Variants in SELENOF observed in about 807,000 individuals in gnomAD.
SELENOF encodes selenoprotein F.
A neutral mutation model predicts 20.5 loss-of-function variants in SELENOF; 16 were observed. The observed-to-expected ratio is 0.78, with a 90% confidence interval of 0.53 to 1.19. The LOEUF is 1.19. SELENOF is among the 50% of genes most tolerant of loss of function. The pLI is 0.00. For synonymous variants in SELENOF, 78 were observed against 74.5 expected (o/e 1.05, Z -0.24); for missense variants, 215 against 194.2 (o/e 1.11, Z -0.64).
At chr1:86,890,157 A>C (rs1348378964) in intron 2 of SELENOF, among the ~76,000 whole-genome samples, 2 of 152,072 alleles carry the variant, frequency 1.3e-5, no homozygotes, top group East Asian at 1.9e-4. Context: ...CAGCTATCTG[A>C]TTTATCTTAG....
intron 2 of SELENOF, among the ~76,000 whole-genome samples, chr1:86,900,563 C>G (rs1470625967): frequency 6.6e-6 from 1 of 151,762 alleles, no homozygotes; most frequent in Non-Finnish European, 1.5e-5. Flanking sequence ...GGCTCGGCAT[C>G]AGAGGGAGAC....
intron 2 of SELENOF, among the ~76,000 whole-genome samples, chr1:86,882,383 G>A (rs1241455168): frequency 2.0e-5 from 3 of 151,116 alleles, no homozygotes; most frequent in African/African-American, 7.3e-5. Context: ...AAAATATAAG[G>A]CCATATTACC....
chr1:86,892,188 G>A (rs748326736), intron 2 of SELENOF, among the ~76,000 whole-genome samples: 4 of 151,832 alleles, frequency 2.6e-5, no homozygotes, highest in Admixed American at 6.6e-5. Context: ...CCCCCGGCAC[G>A]TTGCCTCCCA....
At chr1:86,897,158 T>G (rs1003952420) in intron 2 of SELENOF, among the ~76,000 whole-genome samples, 1 of 151,856 alleles carries the variant, frequency 6.6e-6, no homozygotes, top group Admixed American at 6.6e-5. Flanking sequence ...ATACAAAAAA[T>G]TAGCTGGGCG....
intron 3 of SELENOF, among the ~76,000 whole-genome samples, chr1:86,878,668 A>T (rs548011962): frequency 1.7e-4 from 26 of 152,314 alleles, no homozygotes; most frequent in Non-Finnish European, 3.4e-4. Flanking sequence ...GGCGACAGTG[A>T]GACTCTGTCT....
In SELENOF at chr1:86,899,648, C is replaced by T. The variant is rs529545437; in HGVS notation, c.252+3633G>A. 8.3e-4 allele frequency among the ~76,000 whole-genome samples: 126 copies of T among 151,164 alleles called. 1 individual carries two copies. Among genetic ancestry groups the T allele is most frequent in the African/African-American group, 2.9e-3 (119 of 41,228 alleles). On this transcript the variant is annotated intron_variant, in intron 2 of 4. Coordinates refer to ENST00000331835, the MANE Select transcript of SELENOF (RefSeq NM_004261.5). ...GCTGGCCTGGCGGGGGGCTGACCCC[C>T]CCATCTCCCTCCCGGATGGGGCGGC...
chr1:86,904,201 G>A (rs1659773449), intron 1 of SELENOF, among the ~76,000 whole-genome samples: 1 of 152,112 alleles, frequency 6.6e-6, no homozygotes, highest in South Asian at 2.1e-4. Context: ...GACGGGAAAG[G>A]GGATGGTGCA....
chr1:86,863,363 C>T lies in SELENOF; in HGVS notation c.*111G>A. On this transcript the variant is annotated 3_prime_UTR_variant, in exon 5 of 5. Transcript: ENST00000331835. ...CACGATTTAATTAGATATTTAATGC[C>T]TCAAGTAAAAGACTGATCAATGGAA... 1.2e-6 allele frequency: 1 copy of T among 868,860 alleles called. No homozygotes were observed. The highest frequency in any genetic ancestry group is 1.7e-5 in the African/African-American group (1 of 57,922). 53.8% of individuals were successfully genotyped at this position (868,860 alleles called of 1,614,324 possible).
intron 2 of SELENOF, among the ~76,000 whole-genome samples, chr1:86,894,832 A>C (rs1231068319): frequency 2.0e-5 from 3 of 152,032 alleles, no homozygotes; most frequent in African/African-American, 7.3e-5. Flanking sequence ...GGGAAACCCT[A>C]TCTCTAAAAC....
At chr1:86,867,182 G>C (rs907417937) in intron 4 of SELENOF, among the ~76,000 whole-genome samples, 1 of 151,968 alleles carries the variant, frequency 6.6e-6, no homozygotes, top group Non-Finnish European at 1.5e-5. Flanking sequence ...CAAAATTATA[G>C]AGATAATAAA....
intron 1 of SELENOF, among the ~76,000 whole-genome samples, chr1:86,909,362 C>CAAAAA (rs1557473537): frequency 6.6e-6 from 1 of 152,100 alleles, no homozygotes; most frequent in East Asian, 1.9e-4. Flanking sequence ...TATAACAGTT[C>CAAAAA]AATAAGGGTG....
At chr1:86,898,948 T>C (rs1659598971) in intron 2 of SELENOF, among the ~76,000 whole-genome samples, 1 of 151,838 alleles carries the variant, frequency 6.6e-6, no homozygotes, top group Non-Finnish European at 1.5e-5. Context: ...GCAGTGTTTG[T>C]GTCCCTGGGT....
chr1:86,873,911 G>A (rs1421476243), intron 3 of SELENOF, among the ~76,000 whole-genome samples: 1 of 151,698 alleles, frequency 6.6e-6, no homozygotes, highest in African/African-American at 2.4e-5. Context: ...GGTCACTCCA[G>A]GTCTAAAGTG....
chr1:86,882,355 C>T (rs1470909939), intron 2 of SELENOF, among the ~76,000 whole-genome samples: 1 of 149,842 alleles, frequency 6.7e-6, no homozygotes, highest in Non-Finnish European at 1.5e-5. Context: ...TTAGACAACT[C>T]CAGAAAAAAA....
chr1:86,912,313 C>T (rs1310805081), intron 1 of SELENOF, among the ~76,000 whole-genome samples: 1 of 152,200 alleles, frequency 6.6e-6, no homozygotes. Flanking sequence ...TCAAACATGA[C>T]ATCCAAATTT....
At chr1:86,874,750 A>C (rs1658881136) in intron 3 of SELENOF, among the ~76,000 whole-genome samples, 1 of 152,222 alleles carries the variant, frequency 6.6e-6, no homozygotes. Context: ...AAATGAAAAA[A>C]GAGACAAAAT....
chr1:86,899,836 C>A (rs1392607580), intron 2 of SELENOF, among the ~76,000 whole-genome samples: 353 of 126,480 alleles, frequency 2.8e-3, no homozygotes, highest in Middle Eastern at 5.6e-3. Flanking sequence ...TCAGACGGGG[C>A]GGTTGCCAGG....
rs572242225 is a variant in SELENOF, at chr1:86,878,623, G to A, written c.316+2039C>T. Among the ~76,000 whole-genome samples, 7 of 152,248 alleles carry A rather than the reference G, an allele frequency of 4.6e-5. No homozygotes were observed. In the South Asian group the frequency reaches 6.2e-4, roughly 14 times the overall value. ...CTTGAACCTGGGAGGCAGAGGTTGC[G>A]GTGAGCTGAAATTGCGCCACTGCAC... On this transcript the variant is annotated intron_variant, in intron 3 of 4. Coordinates refer to ENST00000331835, the MANE Select transcript of SELENOF (RefSeq NM_004261.5).
intron 2 of SELENOF, among the ~76,000 whole-genome samples, chr1:86,886,908 A>T (rs1407854151): frequency 2.6e-5 from 4 of 152,180 alleles, no homozygotes; most frequent in Non-Finnish European, 5.9e-5. Flanking sequence ...TGATACACTC[A>T]AATATAAATG....
Sources: allele counts gnomAD v4.1 joint callset (sites outside exome capture counted in the v4.1 genomes callset), GRCh38; gene constraint gnomAD v4.1.1; transcripts MANE v1.5; gene names NCBI Gene and HGNC (gene_info 2026-07-23, HGNC 2026-07-21).